The following MYRIP variants were observed in gnomAD, a reference collection of about 807,000 sequenced individuals.
MYRIP encodes the protein myosin VIIA and Rab interacting protein.
Under a neutral mutation model 98.0 loss-of-function variants are expected in MYRIP, and 49 were observed. The observed-to-expected ratio is 0.50, with a 90% CI of 0.40 to 0.63. MYRIP has a LOEUF of 0.63. Ranked by LOEUF, MYRIP falls within the 30% of genes least tolerant of loss-of-function variation. The pLI is 0.00. For synonymous variants in MYRIP, 404 were observed against 409.5 expected (o/e 0.99, Z 0.16); for missense variants, 1,004 against 1,058.2 (o/e 0.95, Z 0.71).
intron 2 of MYRIP, among the ~76,000 whole-genome samples, chr3:40,006,055 G>T (rs534376936): frequency 3.3e-5 from 5 of 152,104 alleles, no homozygotes; most frequent in East Asian, 3.9e-4. Flanking sequence ...ATGAGGGAAG[G>T]TCTCAAAGAA....
rs373667801 is a variant in MYRIP at position 40,204,160 on chromosome 3, A to T, written c.1666-5694A>T. On this transcript the variant is annotated intron_variant, in intron 10 of 16. Transcript: ENST00000302541. ...TATATTATATAATATATAAATATAT[A>T]ATATAATATTTATATATTATATAAT... Among the ~76,000 whole-genome samples the T allele has an allele frequency of 2.2e-3, 52 of 23,284 alleles. 6 individuals carry two copies. Among genetic ancestry groups the T allele is most frequent in the Non-Finnish European group, 3.9e-3 (38 of 9,760 alleles). 15.3% of individuals were successfully genotyped at this position (23,284 alleles called of 152,430 possible).
Position 40,052,459 on chromosome 3 carries a change from T to C in MYRIP, c.332+8188T>C, listed in dbSNP as rs527453609. ...CAATTATCACCGTGGGCTAAGAATA[T>C]GCACAAGTTAACAAATATATGGGGA... On this transcript the variant is annotated intron_variant, in intron 3 of 16. Transcript: ENST00000302541. 1.5e-3 allele frequency among the ~76,000 whole-genome samples: 222 copies of C among 152,274 alleles called. 1 individual carries two copies. The highest frequency in any genetic ancestry group is 5.3e-3 in the African/African-American group (219 of 41,578).
At chr3:40,075,467 T>A (rs1948323430) in intron 3 of MYRIP, among the ~76,000 whole-genome samples, 1 of 152,212 alleles carries the variant, frequency 6.6e-6, no homozygotes, top group African/African-American at 2.4e-5. Flanking sequence ...GAGCCAAACC[T>A]CCTGGGTGCA....
chr3:39,837,547 A>C (rs1478330816), intron 1 of MYRIP, among the ~76,000 whole-genome samples: 1 of 152,084 alleles, frequency 6.6e-6, no homozygotes, highest in African/African-American at 2.4e-5. Context: ...ATTATTTCTG[A>C]GGCCTCTGTT....
intron 2 of MYRIP, among the ~76,000 whole-genome samples, chr3:39,933,724 T>C (rs557039328): frequency 5.0e-4 from 76 of 152,336 alleles, no homozygotes; most frequent in Middle Eastern, 3.4e-3. Flanking sequence ...GTTTTAAGAT[T>C]AGGGAAAGGG....
chr3:40,007,343 T>TA lies in MYRIP; in HGVS notation c.111-36695dup, dbSNP rs5848544. Among the ~76,000 whole-genome samples, 245 of 148,676 alleles carry TA rather than the reference T, an allele frequency of 1.6e-3. 4 individuals carry two copies. Among genetic ancestry groups the TA allele is most frequent in the African/African-American group, 3.0e-3 (122 of 40,352 alleles). ...ACTTTGCATTAGTTTAAATATATGT[T>TA]AAAAAAAAAAAACCACACATGGAGA... On this transcript the variant is annotated intron_variant, in intron 2 of 16. Transcript: ENST00000302541.
At chr3:40,236,554 T>C (rs928862558) in intron 12 of MYRIP, among the ~76,000 whole-genome samples, 3 of 152,172 alleles carry the variant, frequency 2.0e-5, no homozygotes, top group Admixed American at 6.5e-5. Context: ...CCTCCTGATT[T>C]GTGATGAAAA....
chr3:40,149,928 C>G (rs1297206639), intron 3 of MYRIP, among the ~76,000 whole-genome samples: 1 of 152,108 alleles, frequency 6.6e-6, no homozygotes, highest in African/African-American at 2.4e-5. Context: ...GAATTGGAAG[C>G]CTTTATATTC....
At chr3:40,252,731 A>C (rs1953415649) in intron 16 of MYRIP, among the ~76,000 whole-genome samples, 2 of 152,214 alleles carry the variant, frequency 1.3e-5, no homozygotes, top group Non-Finnish European at 2.9e-5. Flanking sequence ...CAAGCCTACC[A>C]AGCCTGTTGA....
At chr3:40,251,418 C>T (rs1261690974) in intron 15 of MYRIP, among the ~76,000 whole-genome samples, 3 of 152,160 alleles carry the variant, frequency 2.0e-5, no homozygotes, top group African/African-American at 7.2e-5. Flanking sequence ...TCTTTACACC[C>T]CCCATGGCAT....
At chr3:39,930,392 C>A (rs12635229) in intron 2 of MYRIP, among the ~76,000 whole-genome samples, 1 of 151,590 alleles carries the variant, frequency 6.6e-6, no homozygotes. Flanking sequence ...ATTTGGGTTA[C>A]TTGTCTTTTT....
At chr3:40,253,242 C>T (rs1023121600) in intron 16 of MYRIP, among the ~76,000 whole-genome samples, 4 of 152,166 alleles carry the variant, frequency 2.6e-5, no homozygotes, top group African/African-American at 7.2e-5. Context: ...AAAAACATCA[C>T]CTCTAGCATT....
intron 8 of MYRIP, among the ~76,000 whole-genome samples, chr3:40,170,900 C>T (rs1463907424): frequency 6.6e-6 from 1 of 152,252 alleles, no homozygotes; most frequent in East Asian, 1.9e-4. Flanking sequence ...GGCATTCATC[C>T]CTGCATGAGC....
intron 3 of MYRIP, chr3:40,100,122 C>T: frequency 3.0e-6 from 3 of 985,424 alleles, no homozygotes; most frequent in Non-Finnish European, 3.6e-6. Flanking sequence ...CTGGGCTTTT[C>T]TGGCCATGAG....
intron 2 of MYRIP, among the ~76,000 whole-genome samples, chr3:39,921,881 C>CA (rs34179419): frequency 0.13 from 9,779 of 75,610 alleles, 819 homozygotes; most frequent in African/African-American, 0.2. Context: ...GACTCCGTCT[C>CA]AAAAAAAAAA....
chr3:39,920,091 G>A (rs1370032256), intron 2 of MYRIP, among the ~76,000 whole-genome samples: 1 of 151,840 alleles, frequency 6.6e-6, no homozygotes, highest in Non-Finnish European at 1.5e-5. Context: ...ATTAATAAAT[G>A]TTCCTTTGAC....
chr3:39,942,093 A>G (rs1944798626), intron 2 of MYRIP, among the ~76,000 whole-genome samples: 1 of 152,186 alleles, frequency 6.6e-6, no homozygotes, highest in African/African-American at 2.4e-5. Flanking sequence ...CTCTTTAGTT[A>G]CTGTAAATTA....
At chr3:40,084,136 C>CAAAAAA (rs753167019) in intron 3 of MYRIP, among the ~76,000 whole-genome samples, 14 of 55,076 alleles carry the variant, frequency 2.5e-4, no homozygotes, top group African/African-American at 9.7e-4. Context: ...GACTCCATCT[C>CAAAAAA]AAAAAAAAAA....
intron 2 of MYRIP, among the ~76,000 whole-genome samples, chr3:39,999,639 C>G (rs960852914): frequency 6.6e-6 from 1 of 152,082 alleles, no homozygotes; most frequent in Non-Finnish European, 1.5e-5. Context: ...GGATCTAGAA[C>G]TAGAAATACC....
Sources: allele counts gnomAD v4.1 joint callset (sites outside exome capture counted in the v4.1 genomes callset), GRCh38; gene constraint gnomAD v4.1.1; transcripts MANE v1.5; gene names NCBI Gene and HGNC (gene_info 2026-07-23, HGNC 2026-07-21).